The following ASZ1 variants were observed in gnomAD, a reference collection of about 807,000 sequenced individuals.
ASZ1 encodes the protein ankyrin repeat, SAM and basic leucine zipper domain containing 1, also known as ankyrin repeat, SAM and basic leucine zipper domain-containing protein 1.
Under a neutral mutation model 61.8 loss-of-function variants are expected in ASZ1, and 67 were observed. That is an observed-to-expected ratio of 1.08 (90% CI 0.89 to 1.33). The LOEUF (loss-of-function observed/expected upper bound fraction) is 1.33. Among genes scored for constraint, ASZ1 ranks in the 40% most tolerant of loss-of-function variants. The pLI is 0.00. For synonymous variants in ASZ1, 193 were observed against 192.7 expected, an observed-to-expected ratio of 1.00 and a Z score of -0.01; for missense variants, 577 against 554.5, an observed-to-expected ratio of 1.04 and a Z score of -0.41.
chr7:117,420,261 A>C lies in ASZ1; in HGVS notation c.342T>G (p.Ile114Met). Reference protein sequence around the residue: ...NASFEKDKQSILITACSAHGS... With the variant: ...NASFEKDKQSMLITACSAHGS... ...CATGAGCAGAACATGCAGTTATCAA[A>C]ATACTTTGCTTATCTATAGTGAATA... Residue 114 changes from isoleucine to methionine, a missense_variant, in exon 4 of 13, where the codon ATT becomes ATG. Physicochemically the swap from Ile to Met is conservative, Grantham distance 10 (BLOSUM62 1). Transcript: ENST00000284629. 2 of 1,611,948 alleles carry C rather than the reference A, an allele frequency of 1.2e-6. No individual in the cohort carries two copies. The highest frequency in any genetic ancestry group is 1.7e-6 in the Non-Finnish European group (2 of 1,179,376).
chr7:117,427,489 C>G lies in ASZ1; in HGVS notation c.-29G>C, dbSNP rs1270757315. 5 of 1,610,436 alleles carry G rather than the reference C, an allele frequency of 3.1e-6. No individual in the cohort carries two copies. The highest frequency in any genetic ancestry group is 2.2e-5 in the East Asian group (1 of 44,832). ...AGCCAAGGAAGCTCCCTGTCGGCACCGCGCGCCCTTCAGCTCTCCGGGCGC... is the reference window on the plus strand; with the variant it reads ...AGCCAAGGAAGCTCCCTGTCGGCACGGCGCGCCCTTCAGCTCTCCGGGCGC... On this transcript the variant is annotated 5_prime_UTR_variant, in exon 1 of 13. Transcript: ENST00000284629.
chr7:117,397,255 C>G (rs1473529509), intron 4 of ASZ1, among the ~76,000 whole-genome samples: 1 of 151,948 alleles, frequency 6.6e-6, no homozygotes, highest in Non-Finnish European at 1.5e-5. Context: ...CAAACCAAAC[C>G]AAACGCAATA....
chr7:117,412,058 G>GTGTC (rs1796906869), intron 4 of ASZ1, among the ~76,000 whole-genome samples: 2 of 149,990 alleles, frequency 1.3e-5, no homozygotes, highest in Non-Finnish European at 3.0e-5. Flanking sequence ...GTGTGTGTGT[G>GTGTC]TGTGTGTGTG....
chr7:117,374,361 T>G (rs1796100346), intron 10 of ASZ1, among the ~76,000 whole-genome samples: 1 of 152,092 alleles, frequency 6.6e-6, no homozygotes, highest in Admixed American at 6.6e-5. Flanking sequence ...CAATAAAATT[T>G]GTCTACACAG....
intron 2 of ASZ1, among the ~76,000 whole-genome samples, chr7:117,425,403 C>T (rs1440887936): frequency 6.6e-6 from 1 of 150,874 alleles, no homozygotes; most frequent in East Asian, 2.0e-4. Context: ...GTAGCTGGGA[C>T]TACAGGCGCC....
At chr7:117,384,896 A>G in intron 5 of ASZ1, 36 bp from the exon 6 acceptor site, 1 of 1,530,120 alleles carries the variant, frequency 6.5e-7, no homozygotes, top group East Asian at 2.4e-5. Flanking sequence ...GTTTAAAGAG[A>G]AGGAGTGTAT....
intron 7 of ASZ1, 118 bp from the exon 8 acceptor site, chr7:117,382,262 C>A: frequency 1.5e-6 from 1 of 666,596 alleles, no homozygotes; most frequent in Non-Finnish European, 2.6e-6. Flanking sequence ...AATATATTTG[C>A]AATCTGCACA....
At chr7:117,422,028 A>C (rs907389445) in intron 3 of ASZ1, among the ~76,000 whole-genome samples, 1 of 152,216 alleles carries the variant, frequency 6.6e-6, no homozygotes, top group East Asian at 1.9e-4. Context: ...CCAGTTATAA[A>C]GATACTATAA....
chr7:117,373,763 T>G (rs1246545026), intron 10 of ASZ1, among the ~76,000 whole-genome samples: 1 of 152,194 alleles, frequency 6.6e-6, no homozygotes, highest in East Asian at 1.9e-4. Context: ...CTATTCAGGA[T>G]TCTGCACATT....
chr7:117,420,635 T>A (rs553835770), intron 3 of ASZ1, among the ~76,000 whole-genome samples: 35 of 152,236 alleles, frequency 2.3e-4, no homozygotes, highest in Admixed American at 3.9e-4. Context: ...ATGATCTATA[T>A]TCTCTGATTT....
rs747350199 is a variant in ASZ1, at chr7:117,381,097, C to T, written c.889-30G>A. The T allele has an allele frequency of 8.0e-6, 12 of 1,507,222 alleles. No homozygotes were observed. In the East Asian group the frequency reaches 2.7e-4, roughly 34 times the overall value. The allele number at this position is 1,507,222 out of a possible 1,614,324, so 93.4% of individuals were successfully genotyped here. A position where few individuals can be genotyped will look rare whatever the true frequency, so the allele number is the denominator to read the frequency against. The stretch of plus-strand genomic sequence containing the variant: ...ATAAAAGGAAAAAAAGGCCACCTTT[C>T]CATATAATTAAAATAGTAGAAGGAG... On this transcript the variant is annotated intron_variant, in intron 8 of 12. Coordinates refer to ENST00000284629, the MANE Select transcript of ASZ1 (RefSeq NM_130768.3).
At chr7:117,411,296 A>G (rs908273415) in intron 4 of ASZ1, among the ~76,000 whole-genome samples, 2 of 151,816 alleles carry the variant, frequency 1.3e-5, no homozygotes, top group Non-Finnish European at 3.0e-5. Flanking sequence ...AACAAAGGTA[A>G]AATCAGCTCC....
At chr7:117,380,114 C>A in intron 9 of ASZ1, 67 bp from the exon 10 acceptor site, 5 of 1,012,602 alleles carry the variant, frequency 4.9e-6, no homozygotes, top group East Asian at 2.5e-5. Context: ...CTCAAAATTG[C>A]TAAAGATGTT....
chr7:117,424,113 A>G (rs1461172667), intron 2 of ASZ1, among the ~76,000 whole-genome samples: 6 of 152,320 alleles, frequency 3.9e-5, no homozygotes, highest in African/African-American at 1.4e-4. Flanking sequence ...ATAAACATCA[A>G]CTATAGAAAA....
At chr7:117,413,520 C>T (rs1158002047) in intron 4 of ASZ1, among the ~76,000 whole-genome samples, 1 of 151,952 alleles carries the variant, frequency 6.6e-6, no homozygotes, top group Non-Finnish European at 1.5e-5. Flanking sequence ...TTGCCAGATA[C>T]CGTACACTGT....
intron 5 of ASZ1, among the ~76,000 whole-genome samples, 169 bp from the exon 6 acceptor site, chr7:117,385,029 T>G (rs563250107): frequency 5.6e-4 from 85 of 152,312 alleles, no homozygotes; most frequent in Admixed American, 1.8e-3. Context: ...TTTCCAAAGT[T>G]GTAATTGCAA....
intron 4 of ASZ1, among the ~76,000 whole-genome samples, chr7:117,406,616 G>C (rs1375422401): frequency 6.6e-6 from 1 of 152,096 alleles, no homozygotes; most frequent in Non-Finnish European, 1.5e-5. Flanking sequence ...AGCCAGGCGT[G>C]GTGGTCCATG....
At chr7:117,380,242 G>A (rs1291583889) in intron 9 of ASZ1, among the ~76,000 whole-genome samples, 195 bp from the exon 10 acceptor site, 2 of 151,594 alleles carry the variant, frequency 1.3e-5, no homozygotes, top group Non-Finnish European at 3.0e-5. Context: ...AGAATATTGA[G>A]ATATATAATA....
At chr7:117,382,177 A>G (rs977001389) in intron 7 of ASZ1, 33 bp from the exon 8 acceptor site, 2 of 1,280,848 alleles carry the variant, frequency 1.6e-6, no homozygotes, top group Non-Finnish European at 2.3e-6. Flanking sequence ...CAATTTCAGA[A>G]CAGATTATAA....
Sources: allele counts gnomAD v4.1 joint callset (sites outside exome capture counted in the v4.1 genomes callset), GRCh38; gene constraint gnomAD v4.1.1; transcripts MANE v1.5; gene names NCBI Gene and HGNC (gene_info 2026-07-23, HGNC 2026-07-21).